FNBP1: variants seen among roughly 807,000 people sequenced by gnomAD.
FNBP1 encodes the protein formin binding protein 1.
FNBP1 carries 26 observed loss-of-function variants against 90.6 expected under a neutral mutation model. The observed-to-expected ratio is 0.29, with a 90% CI of 0.21 to 0.40. FNBP1 has a LOEUF of 0.40. Ranked by LOEUF, FNBP1 falls within the 10% of genes least tolerant of loss-of-function variation. The probability of loss-of-function intolerance (pLI) is 1.00; values close to 1 mark genes in which losing one functional copy is unlikely to be tolerated. For synonymous variants in FNBP1, 260 were observed against 265.2 expected (o/e 0.98, Z 0.19); for missense variants, 635 against 768.0 (o/e 0.83, Z 2.05).
intron 2 of FNBP1, among the ~76,000 whole-genome samples, chr9:129,981,066 A>G (rs950490230): frequency 3.4e-4 from 51 of 150,966 alleles, no homozygotes; most frequent in African/African-American, 8.0e-4. Flanking sequence ...AAAAAAAAAA[A>G]AGAGAAATAG....
chr9:130,019,187 A>C (rs890649983), intron 1 of FNBP1, among the ~76,000 whole-genome samples: 3 of 151,934 alleles, frequency 2.0e-5, no homozygotes, highest in African/African-American at 7.3e-5. Context: ...AGACTGCGTC[A>C]AGGCACTCCA....
chr9:129,906,756 T>C (rs1021453393), intron 12 of FNBP1, among the ~76,000 whole-genome samples: 1 of 152,204 alleles, frequency 6.6e-6, no homozygotes, highest in Non-Finnish European at 1.5e-5. Context: ...ACTAAATGTA[T>C]AATTTAAGTC....
At chr9:130,038,008 A>C (rs489633) in intron 1 of FNBP1, among the ~76,000 whole-genome samples, 7 of 152,140 alleles carry the variant, frequency 4.6e-5, no homozygotes, top group East Asian at 1.9e-4. Flanking sequence ...TATTCAACAG[A>C]TGAATGTATA....
chr9:129,953,025 G>A (rs1014977127), intron 6 of FNBP1, among the ~76,000 whole-genome samples: 6 of 152,096 alleles, frequency 3.9e-5, no homozygotes, highest in African/African-American at 1.4e-4. Context: ...GGAATATTTG[G>A]ATAAAACAGT....
rs528781492 is a variant in FNBP1 at position 130,028,984 on chromosome 9, C to T, written c.24+13968G>A. On this transcript the variant is annotated intron_variant, in intron 1 of 16. Transcript: ENST00000446176. ...CTTCTCCCCATCAAGCTCAATCCTA[C>T]TGTTCTCCGTCTCATTCCCTTGTTT... Among the ~76,000 whole-genome samples, 152 of 152,290 alleles carry T rather than the reference C, an allele frequency of 1.0e-3. 1 individual carries two copies. In the Middle Eastern group the frequency reaches 0.01, roughly 10 times the overall value.
At chr9:129,927,454 G>A in intron 7 of FNBP1, 113 bp from the exon 8 acceptor site, 1 of 947,306 alleles carries the variant, frequency 1.1e-6, no homozygotes, top group Non-Finnish European at 1.6e-6. Context: ...AAATGGGTTA[G>A]AGTTAGAGCG....
intron 2 of FNBP1, among the ~76,000 whole-genome samples, chr9:129,992,151 G>T (rs1424284915): frequency 6.6e-6 from 1 of 152,208 alleles, no homozygotes; most frequent in Non-Finnish European, 1.5e-5. Context: ...GCTGGGCACA[G>T]CAATGTGAAG....
chr9:130,053,624 C>T, the FNBP1 span: 1 of 423,560 alleles, frequency 2.4e-6, no homozygotes. Flanking sequence ...AGCCCAAGGT[C>T]GCTTCCAAAG....
In FNBP1 at chr9:130,001,324, CA is replaced by C. The variant is rs748630037; in HGVS notation, c.25-6367del. ...AAGACTCCATCTCAAAAAAACAAAA[CA>C]AAACAAAAAAAAACAGCTAATGGTG... On this transcript the variant is annotated intron_variant, in intron 1 of 16. Coordinates refer to ENST00000446176, the MANE Select transcript of FNBP1 (RefSeq NM_015033.3). Among the ~76,000 whole-genome samples the C allele has an allele frequency of 0.01, 113 of 10,912 alleles. 3 individuals are homozygous for C. In the South Asian group the frequency reaches 0.12, roughly 11 times the overall value. The allele number at this position is 10,912 out of a possible 152,430, so 7.2% of individuals were successfully genotyped here. A position where few individuals can be genotyped will look rare whatever the true frequency, so the allele number is the denominator to read the frequency against.
chr9:129,896,952 T>C (rs1233326736), intron 15 of FNBP1, among the ~76,000 whole-genome samples: 1 of 152,178 alleles, frequency 6.6e-6, no homozygotes, highest in East Asian at 1.9e-4. Flanking sequence ...CTTTAAACAC[T>C]GTCCTCACAT....
In FNBP1 at chr9:129,994,969, AAACC is replaced by A. The variant is rs2053760482; in HGVS notation, c.25-15_25-12del. On this transcript the variant is annotated splice_polypyrimidine_tract_variant and intron_variant, in intron 1 of 16. Coordinates refer to ENST00000446176, the MANE Select transcript of FNBP1 (RefSeq NM_015033.3). ...GTTGTCAAACTGATCCTGTTGAAAC[AAACC>A]AAGAGAGAAGTTATGGTCTTTCCCT... The A allele has an allele frequency of 3.2e-6, 4 of 1,246,180 alleles. No homozygotes were observed. Among genetic ancestry groups the A allele is most frequent in the Non-Finnish European group, 4.7e-6 (4 of 851,310 alleles). 77.2% of individuals were successfully genotyped at this position (1,246,180 alleles called of 1,614,324 possible).
At position 129,890,537 on chromosome 9, in the gene FNBP1, C is replaced by T; in HGVS notation, c.*2G>A. On this transcript the variant is annotated 3_prime_UTR_variant, in exon 17 of 17. Transcript: ENST00000446176. The surrounding 1 kb of genome is among the most constrained non-coding windows in gnomAD (Gnocchi z 5.8). ...TCACCCGAGGCTCGCAGGCACTCCC[C>T]TCTAGGAATCTACAACACAAAGAGA... The T allele has an allele frequency of 6.3e-7, 1 of 1,585,614 alleles. No individual in the cohort carries two copies. The highest frequency in any genetic ancestry group is 8.6e-7 in the Non-Finnish European group (1 of 1,166,816).
Position 129,902,895 on chromosome 9 carries a change from G to A in FNBP1, c.1402C>T (p.Leu468=), listed in dbSNP as rs1286946661. Residue 468 remains leucine (L), a synonymous_variant, in exon 13 of 17, where the codon CTG becomes TTG. Transcript: ENST00000446176. ...TCAAATTTCTGGGTCTCTACTCGCA[G>A]TTTCTCTATATTTTGGCTGACTTCT... is the stretch of plus-strand genomic sequence containing the variant. ...LAEVSQNIEK[L]RVETQKFEAW... The A allele has an allele frequency of 1.2e-6, 2 of 1,613,654 alleles. No homozygotes were observed. Among genetic ancestry groups the A allele is most frequent in the Non-Finnish European group, 1.7e-6 (2 of 1,179,818 alleles).
At chr9:129,969,357 C>T (rs2049086312) in intron 4 of FNBP1, among the ~76,000 whole-genome samples, 1 of 152,174 alleles carries the variant, frequency 6.6e-6, no homozygotes, top group Non-Finnish European at 1.5e-5. Context: ...AGTCTCACTT[C>T]TGGGAATTTA....
chr9:129,949,295 A>G (rs549037995), intron 6 of FNBP1, among the ~76,000 whole-genome samples: 2 of 152,300 alleles, frequency 1.3e-5, no homozygotes, highest in South Asian at 4.1e-4. Context: ...AAATTGTTCA[A>G]TTAAGCTGAT....
chr9:130,037,883 T>C (rs1406978141), intron 1 of FNBP1, among the ~76,000 whole-genome samples: 1 of 152,212 alleles, frequency 6.6e-6, no homozygotes, highest in Non-Finnish European at 1.5e-5. Flanking sequence ...TATTCATTTA[T>C]CCAATAAATA....
chr9:129,929,815 T>A, intron 6 of FNBP1, 120 bp from the exon 7 acceptor site: 2 of 848,144 alleles, frequency 2.4e-6, no homozygotes, highest in Non-Finnish European at 3.7e-6. Context: ...ACCTCAAATG[T>A]ATTCCGCGGG....
At chr9:129,915,168 CCA>C (rs2040068159) in intron 11 of FNBP1, among the ~76,000 whole-genome samples, 1 of 151,988 alleles carries the variant, frequency 6.6e-6, no homozygotes, top group Admixed American at 6.6e-5. Flanking sequence ...CATAAAGATT[CCA>C]CAGTCTTCCA....
Position 130,042,278 on chromosome 9 carries a change from C to T in FNBP1, c.24+674G>A, listed in dbSNP as rs2059895631. Among the ~76,000 whole-genome samples, 1 of 152,180 alleles carries T rather than the reference C, an allele frequency of 6.6e-6. No homozygotes were observed. The highest frequency in any genetic ancestry group is 6.6e-5 in the Admixed American group (1 of 15,266). ...GAACGCCTCTTCCTGAGGTAGATCACGTAAGATCTCTCCCTAACTCCCACT... is the reference window on the plus strand; with the variant it reads ...GAACGCCTCTTCCTGAGGTAGATCATGTAAGATCTCTCCCTAACTCCCACT... On this transcript the variant is annotated intron_variant, in intron 1 of 16. Transcript: ENST00000446176. The surrounding 1 kb of genome is among the most constrained non-coding windows in gnomAD (Gnocchi z 5.5).
Sources: allele counts gnomAD v4.1 joint callset (sites outside exome capture counted in the v4.1 genomes callset), GRCh38; gene constraint gnomAD v4.1.1; non-coding constraint Gnocchi (gnomAD v3.1); transcripts MANE v1.5; gene names NCBI Gene and HGNC (gene_info 2026-07-23, HGNC 2026-07-21).